The following CREB5 variants were observed in gnomAD, a reference collection of about 807,000 sequenced individuals.
CREB5 encodes the protein cyclic AMP-responsive element-binding protein 5.
CREB5 carries 19 observed loss-of-function variants against 57.1 expected under a neutral mutation model. That is an observed-to-expected ratio of 0.33 (90% confidence interval 0.23 to 0.49). The LOEUF is 0.49. Among genes scored for constraint, CREB5 ranks in the 20% least tolerant of loss-of-function variants. The pLI, the probability that CREB5 is intolerant of heterozygous loss-of-function variation, is 0.99. For synonymous variants in CREB5, 238 were observed against 238.3 expected, an observed-to-expected ratio of 1.00 and a Z score of 0.01; for missense variants, 579 against 671.6, an observed-to-expected ratio of 0.86 and a Z score of 1.52.
At chr7:28,572,659 C>A (rs866796472) in intron 5 of CREB5, among the ~76,000 whole-genome samples, 1 of 152,104 alleles carries the variant, frequency 6.6e-6, no homozygotes, top group Non-Finnish European at 1.5e-5. Context: ...AGTATTCAGC[C>A]ATTGTTAGCA....
chr7:28,674,376 G>A (rs1381324790), intron 5 of CREB5, among the ~76,000 whole-genome samples: 1 of 152,190 alleles, frequency 6.6e-6, no homozygotes, highest in Non-Finnish European at 1.5e-5. Flanking sequence ...CATCTGAAGT[G>A]ACTGTTGTAC....
intron 1 of CREB5, among the ~76,000 whole-genome samples, chr7:28,428,257 A>T (rs1454688765): frequency 6.6e-6 from 1 of 152,194 alleles, no homozygotes; most frequent in African/African-American, 2.4e-5. Flanking sequence ...TGGGTGGCTG[A>T]TCATCCAGGG....
At chr7:28,380,457 T>C (rs1291256076) in intron 1 of CREB5, among the ~76,000 whole-genome samples, 1 of 152,210 alleles carries the variant, frequency 6.6e-6, no homozygotes, top group Admixed American at 6.5e-5. Flanking sequence ...GCGATGGTGC[T>C]AGATTGCTGC....
At chr7:28,411,934 T>C (rs954086021), upstream of CREB5, among the ~76,000 whole-genome samples, 1 of 150,102 alleles carries the variant, frequency 6.7e-6, no homozygotes, top group Non-Finnish European at 1.5e-5. Flanking sequence ...ACTTCTTGTT[T>C]GTGATGCATA....
intron 1 of CREB5, among the ~76,000 whole-genome samples, chr7:28,302,176 A>G (rs894625915): frequency 5.3e-5 from 8 of 152,240 alleles, no homozygotes; most frequent in Non-Finnish European, 4.4e-5. Context: ...ATATCACATT[A>G]AAATATTAAT....
chr7:28,645,297 C>G (rs1227601550), intron 5 of CREB5, among the ~76,000 whole-genome samples: 1 of 152,158 alleles, frequency 6.6e-6, no homozygotes, highest in Non-Finnish European at 1.5e-5. Flanking sequence ...GAGAAGATTT[C>G]AGACTGGAAA....
chr7:28,609,925 T>C (rs1797320201), intron 5 of CREB5, among the ~76,000 whole-genome samples: 1 of 152,204 alleles, frequency 6.6e-6, no homozygotes, highest in African/African-American at 2.4e-5. Context: ...TGAGGAGGAC[T>C]TTGAGGGGCC....
chr7:28,417,553 C>T (rs2128007049), intron 1 of CREB5, among the ~76,000 whole-genome samples: 1 of 152,304 alleles, frequency 6.6e-6, no homozygotes, highest in Admixed American at 6.5e-5. Flanking sequence ...TATTAAAAAA[C>T]ACTGATACCC....
intron 5 of CREB5, among the ~76,000 whole-genome samples, chr7:28,593,957 A>G (rs1383790515): frequency 2.6e-5 from 4 of 152,242 alleles, no homozygotes; most frequent in African/African-American, 4.8e-5. Context: ...CCAAGTAACC[A>G]CTGGTGGGTG....
intron 1 of CREB5, among the ~76,000 whole-genome samples, chr7:28,323,440 G>T (rs1407014995): frequency 6.6e-6 from 1 of 152,110 alleles, no homozygotes; most frequent in Admixed American, 6.5e-5. Context: ...AAGCAACTAG[G>T]TAGTAATTCT....
chr7:28,339,701 G>C (rs1392070607), intron 1 of CREB5, among the ~76,000 whole-genome samples: 1 of 152,194 alleles, frequency 6.6e-6, no homozygotes, highest in South Asian at 2.1e-4. Flanking sequence ...AGCCAGACAG[G>C]CTTGTGTACT....
chr7:28,310,511 T>C (rs892488109), intron 1 of CREB5, among the ~76,000 whole-genome samples: 1 of 152,250 alleles, frequency 6.6e-6, no homozygotes. Flanking sequence ...TGGAGTGGAC[T>C]GGACAAAGTC....
intron 1 of CREB5, among the ~76,000 whole-genome samples, chr7:28,316,069 G>A (rs181607923): frequency 2.0e-5 from 3 of 152,304 alleles, no homozygotes; most frequent in East Asian, 3.9e-4. Flanking sequence ...TCCAGATCTT[G>A]AGTAGAAAAC....
At chr7:28,382,007 C>T (rs1177384127) in intron 1 of CREB5, among the ~76,000 whole-genome samples, 1 of 152,200 alleles carries the variant, frequency 6.6e-6, no homozygotes, top group Admixed American at 6.5e-5. Context: ...ATGGCTCAGT[C>T]CAAGTCTGAA....
At chr7:28,337,397 T>G (rs997804102) in intron 1 of CREB5, among the ~76,000 whole-genome samples, 3 of 152,142 alleles carry the variant, frequency 2.0e-5, no homozygotes, top group African/African-American at 7.2e-5. Flanking sequence ...GCATATATAT[T>G]TACAATTGTT....
chr7:28,793,977 T>C (rs1276070957), intron 7 of CREB5, among the ~76,000 whole-genome samples: 1 of 152,214 alleles, frequency 6.6e-6, no homozygotes, highest in Admixed American at 6.5e-5. Context: ...GTGATACATA[T>C]GTGGAGTAAA....
chr7:28,634,408 A>T (rs1436707568), intron 5 of CREB5, among the ~76,000 whole-genome samples: 1 of 152,180 alleles, frequency 6.6e-6, no homozygotes, highest in Non-Finnish European at 1.5e-5. Context: ...ACTCTTAATG[A>T]AAAATATTTT....
intron 1 of CREB5, among the ~76,000 whole-genome samples, chr7:28,364,707 C>A (rs2159722): frequency 6.6e-6 from 1 of 152,256 alleles, no homozygotes; most frequent in Middle Eastern, 3.4e-3. Context: ...CTGCACCTAC[C>A]TTGCCAATAT....
At chr7:28,671,931 TATA>T (rs1415424142) in intron 5 of CREB5, among the ~76,000 whole-genome samples, 3 of 152,222 alleles carry the variant, frequency 2.0e-5, no homozygotes, top group African/African-American at 7.2e-5. Context: ...TTATTTTTAT[TATA>T]ATAATTATTA....
Sources: gnomAD v4.1 joint callset for allele counts (sites outside exome capture counted in the v4.1 genomes callset) on GRCh38, gnomAD v4.1.1 for gene constraint, MANE v1.5 for transcripts, NCBI Gene and HGNC (gene_info 2026-07-23, HGNC 2026-07-21) for gene names.